The following EXT1 variants were observed in gnomAD, a reference collection of about 807,000 sequenced individuals.
EXT1 encodes exostosin glycosyltransferase 1.
EXT1 carries 20 observed loss-of-function variants against 82.5 expected under a neutral mutation model. The observed-to-expected ratio is 0.24, with a 90% CI of 0.17 to 0.35. The LOEUF (loss-of-function observed/expected upper bound fraction) is 0.35. Ranked by LOEUF, EXT1 falls within the 10% of genes least tolerant of loss-of-function variation. The pLI is 1.00. For synonymous variants in EXT1, 348 were observed against 350.8 expected (o/e 0.99, Z 0.09); for missense variants, 757 against 936.5 (o/e 0.81, Z 2.50).
At chr8:117,879,256 T>C (rs973323858) in intron 1 of EXT1, among the ~76,000 whole-genome samples, 2 of 152,232 alleles carry the variant, frequency 1.3e-5, no homozygotes, top group African/African-American at 2.4e-5. Context: ...TACTATTAAA[T>C]TGTGAGTGAA....
intron 1 of EXT1, among the ~76,000 whole-genome samples, chr8:117,966,151 C>T (rs1814805567): frequency 1.3e-5 from 2 of 152,160 alleles, no homozygotes; most frequent in Admixed American, 1.3e-4. Context: ...AAAGTCTCCA[C>T]ATATTCTTCA....
At chr8:117,832,136 T>C (rs1812110609) in intron 3 of EXT1, among the ~76,000 whole-genome samples, 1 of 152,226 alleles carries the variant, frequency 6.6e-6, no homozygotes, top group Non-Finnish European at 1.5e-5. Context: ...TCAATTTTCA[T>C]AATCATACCC....
intron 1 of EXT1, among the ~76,000 whole-genome samples, chr8:117,850,766 A>C (rs1812439536): frequency 6.6e-6 from 1 of 152,200 alleles, no homozygotes; most frequent in Admixed American, 6.5e-5. Flanking sequence ...TTTTCTGCCA[A>C]GTGCCAAAAG....
intron 8 of EXT1, among the ~76,000 whole-genome samples, chr8:117,807,755 T>C (rs1372528366): frequency 2.0e-5 from 3 of 152,044 alleles, no homozygotes; most frequent in Non-Finnish European, 4.4e-5. Flanking sequence ...AAATGAGAAA[T>C]TTCCCATGTA....
chr8:117,820,296 G>C (rs1212509203), intron 5 of EXT1, among the ~76,000 whole-genome samples: 1 of 152,198 alleles, frequency 6.6e-6, no homozygotes, highest in Non-Finnish European at 1.5e-5. Flanking sequence ...ACCACTTACT[G>C]GTCGGGGGAC....
At chr8:117,930,132 A>G (rs946435835) in intron 1 of EXT1, among the ~76,000 whole-genome samples, 1 of 152,064 alleles carries the variant, frequency 6.6e-6, no homozygotes, top group African/African-American at 2.4e-5. Flanking sequence ...ACAGAAGAGA[A>G]GAGGAAGAGT....
intron 1 of EXT1, among the ~76,000 whole-genome samples, chr8:117,955,713 G>A (rs545679744): frequency 5.6e-4 from 85 of 152,190 alleles, no homozygotes; most frequent in Non-Finnish European, 1.1e-3. Context: ...GAGCCACCAC[G>A]CCCAGCTAAT....
chr8:117,950,440 T>TA (rs1252035432), intron 1 of EXT1, among the ~76,000 whole-genome samples: 1 of 152,230 alleles, frequency 6.6e-6, no homozygotes, highest in African/African-American at 2.4e-5. Context: ...CAACACATTT[T>TA]ACATCAGATA....
At chr8:118,076,030 G>A (rs1817202500) in intron 1 of EXT1, among the ~76,000 whole-genome samples, 1 of 152,134 alleles carries the variant, frequency 6.6e-6, no homozygotes, top group South Asian at 2.1e-4. Context: ...TTATGCTTTG[G>A]ATAGGGAGTA....
At chr8:117,876,432 C>A (rs1245136771) in intron 1 of EXT1, among the ~76,000 whole-genome samples, 1 of 152,132 alleles carries the variant, frequency 6.6e-6, no homozygotes, top group Non-Finnish European at 1.5e-5. Flanking sequence ...AGACTCCAGA[C>A]CCAGAGAGTA....
At chr8:118,014,478 T>C (rs1205980981) in intron 1 of EXT1, among the ~76,000 whole-genome samples, 1 of 152,208 alleles carries the variant, frequency 6.6e-6, no homozygotes, top group Admixed American at 6.5e-5. Flanking sequence ...TAAAATGTGG[T>C]CTGAGAATGT....
chr8:117,909,118 C>T (rs560171163), intron 1 of EXT1, among the ~76,000 whole-genome samples: 6 of 133,562 alleles, frequency 4.5e-5, no homozygotes, highest in Admixed American at 1.5e-4. Flanking sequence ...GTCGACAGAG[C>T]GAGACTCTGT....
At chr8:117,980,085 G>A (rs911266136) in intron 1 of EXT1, among the ~76,000 whole-genome samples, 15 of 152,252 alleles carry the variant, frequency 9.9e-5, no homozygotes, top group Admixed American at 6.5e-4. Context: ...AATTCAGAGA[G>A]GGTCAGCACT....
At chr8:117,919,551 A>T (rs1056587948) in intron 1 of EXT1, among the ~76,000 whole-genome samples, 8 of 146,236 alleles carry the variant, frequency 5.5e-5, no homozygotes, top group Non-Finnish European at 1.0e-4. Context: ...GTTGCTGAGG[A>T]TGGAGTGCAG....
At chr8:118,001,060 T>A (rs1206823472) in intron 1 of EXT1, among the ~76,000 whole-genome samples, 1 of 152,204 alleles carries the variant, frequency 6.6e-6, no homozygotes, top group African/African-American at 2.4e-5. Flanking sequence ...ATCAACCCAT[T>A]CCTGGGAGGT....
chr8:117,891,498 T>C lies in EXT1; in HGVS notation c.963-54297A>G, dbSNP rs533259168. Among the ~76,000 whole-genome samples the C allele has an allele frequency of 7.0e-5, 10 of 143,786 alleles. No homozygotes were observed. The South Asian group carries it at 7.2e-4, about 10-fold the overall frequency. The allele number at this position is 143,786 out of a possible 152,430, so 94.3% of individuals were successfully genotyped here. A position where few individuals can be genotyped will look rare whatever the true frequency, so the allele number is the denominator to read the frequency against. ...GGTGGCAGTTTACAAATCTGAAAGCTATACTCCTTTGTTGAGAATGCCCTT... is the reference window on the plus strand; with the variant it reads ...GGTGGCAGTTTACAAATCTGAAAGCCATACTCCTTTGTTGAGAATGCCCTT... On this transcript the variant is annotated intron_variant, in intron 1 of 10. Transcript: ENST00000378204.
At chr8:118,009,141 G>A (rs771721808) in intron 1 of EXT1, among the ~76,000 whole-genome samples, 3 of 152,192 alleles carry the variant, frequency 2.0e-5, no homozygotes, top group East Asian at 1.9e-4. Flanking sequence ...AAGCCACATC[G>A]CAATAGGGAC....
intron 1 of EXT1, among the ~76,000 whole-genome samples, chr8:117,991,614 C>G (rs572299578): frequency 2.0e-5 from 3 of 151,934 alleles, no homozygotes; most frequent in Admixed American, 6.6e-5. Flanking sequence ...TAGGCTGGAG[C>G]GCAGTGGCAT....
intron 1 of EXT1, among the ~76,000 whole-genome samples, chr8:117,839,326 A>G (rs375997871): frequency 6.6e-6 from 1 of 152,152 alleles, no homozygotes; most frequent in African/African-American, 2.4e-5. Flanking sequence ...TTAATACTTG[A>G]TTACTCTTTA....
Sources: allele counts gnomAD v4.1 joint callset (sites outside exome capture counted in the v4.1 genomes callset), GRCh38; gene constraint gnomAD v4.1.1; transcripts MANE v1.5; gene names NCBI Gene and HGNC (gene_info 2026-07-23, HGNC 2026-07-21).